The following DNAH17 variants were observed in gnomAD, a reference collection of about 807,000 sequenced individuals.
DNAH17 encodes the protein dynein axonemal heavy chain 17.
Under a neutral mutation model 485.6 loss-of-function variants are expected in DNAH17, and 376 were observed. The ratio of observed to expected loss-of-function variants is 0.77; its 90% CI spans 0.71 to 0.84. The LOEUF is 0.84. Among genes scored for constraint, DNAH17 ranks in the 40% least tolerant of loss-of-function variants. The pLI is 0.00. For synonymous variants in DNAH17, 3,031 were observed against 2,405.9 expected, an observed-to-expected ratio of 1.26 and a Z score of -7.60; for missense variants, 6,370 against 5,839.3, an observed-to-expected ratio of 1.09 and a Z score of -2.96.
In DNAH17 at chr17:78,552,775, G is replaced by T. The variant is rs1302956547; in HGVS notation, c.2209C>A (p.Leu737Ile). The T allele has an allele frequency of 6.2e-7, 1 of 1,613,302 alleles. No individual in the cohort carries two copies. The highest frequency in any genetic ancestry group is 8.5e-7 in the Non-Finnish European group (1 of 1,179,260). ...GCTTCCAGTTCTGACTTTATTAGTA[G>T]AAATTCTACTGCCTTCACTATAGTC... ...IKTIVKAVEF[L>I]LIKSELEAID... is the part of the protein sequence containing the mutation. Residue 737 changes from leucine to isoleucine, a missense_variant, in exon 15 of 81, where the codon CTA becomes ATA. Transcript: ENST00000389840.
intron 37 of DNAH17, among the ~76,000 whole-genome samples, chr17:78,498,500 G>C (rs562402057): frequency 6.6e-6 from 1 of 152,322 alleles, no homozygotes; most frequent in East Asian, 1.9e-4. Context: ...AAGCATCAGT[G>C]GGGGTGGGGC....
chr17:78,424,182 G>C lies in DNAH17; in HGVS notation c.13142-29C>G, dbSNP rs770512056. 2.8e-5 allele frequency: 45 copies of C among 1,586,778 alleles called. No individual in the cohort carries two copies. The East Asian group carries it at 3.4e-4, about 12-fold the overall frequency. ...CAGGGACAGTATGGCTGAGGGTCAGGTGTGCTGCCAGTAAGTGAGGGAGGG... is the reference window on the plus strand; with the variant it reads ...CAGGGACAGTATGGCTGAGGGTCAGCTGTGCTGCCAGTAAGTGAGGGAGGG... On this transcript the variant is annotated intron_variant, in intron 80 of 80. Coordinates refer to ENST00000389840, the MANE Select transcript of DNAH17 (RefSeq NM_173628.4).
At chr17:78,532,094 T>A (rs117838634) in intron 20 of DNAH17, among the ~76,000 whole-genome samples, 7,143 of 152,286 alleles carry the variant, frequency 0.047, 237 homozygotes, top group Middle Eastern at 0.085. Flanking sequence ...CTCATCTCCC[T>A]GAGGTCAGGT....
Position 78,494,171 on chromosome 17 carries a change from G to A in DNAH17, c.6273C>T (p.Ile2091=), listed in dbSNP as rs1348007801. 10 of 1,609,874 alleles carry A rather than the reference G, an allele frequency of 6.2e-6. No individual in the cohort carries two copies. The highest frequency in any genetic ancestry group is 4.5e-5 in the East Asian group (2 of 44,746). The change falls in exon 41 of 81, where the codon ATC becomes ATT. Residue 2091 remains isoleucine (I), a splice_region_variant and synonymous_variant. Coordinates refer to ENST00000389840, the MANE Select transcript of DNAH17 (RefSeq NM_173628.4). The part of the protein sequence containing the change: ...PRKRDLNFEK[I]IKQSIVELKL... ...TGAGCTCCACGATGCTCTGCTTGATGATCTGGGGAGACATGGATGAGGCTG... is the reference window on the plus strand; with the variant it reads ...TGAGCTCCACGATGCTCTGCTTGATAATCTGGGGAGACATGGATGAGGCTG...
At position 78,570,587 on chromosome 17, in the gene DNAH17, T is replaced by TG. The variant is rs536742635; in HGVS notation, c.919-216dup. 5.9e-3 allele frequency among the ~76,000 whole-genome samples: 902 copies of TG among 151,654 alleles called. 7 individuals are homozygous for TG. The highest frequency in any genetic ancestry group is 7.8e-3 in the Non-Finnish European group (527 of 67,856). ...GAAGAAACAAGACCCAGGCCGGGCG[T>TG]GGTGGCTCACGCCTGTAATCCCAGC... On this transcript the variant is annotated intron_variant, in intron 6 of 80. Transcript: ENST00000389840.
At chr17:78,526,804 C>T in intron 23 of DNAH17, 67 bp from the exon 24 acceptor site, 4 of 1,560,366 alleles carry the variant, frequency 2.6e-6, no homozygotes, top group Middle Eastern at 1.9e-4. Context: ...GTGGCCCCAC[C>T]CTGTATGCCG....
In DNAH17 at chr17:78,551,522, G is replaced by A. The variant is rs376785076; in HGVS notation, c.2391+13C>T. ...CCCACAAAGCCCCACTCTGTGCTCT[G>A]CCCCTTGCTTACCTTCATAGCCTGG... On this transcript the variant is annotated intron_variant, in intron 16 of 80. Transcript: ENST00000389840. 31 of 1,611,576 alleles carry A rather than the reference G, an allele frequency of 1.9e-5. No homozygotes were observed. The highest frequency in any genetic ancestry group is 2.7e-5 in the African/African-American group (2 of 75,010).
chr17:78,510,754 C>CCCG (rs5822245), intron 26 of DNAH17: 7 of 404,994 alleles, frequency 1.7e-5, no homozygotes, highest in Non-Finnish European at 3.2e-5. Context: ...AATTGCGGCC[C>CCCG]CCCCGCAAAA....
rs369484272 is a variant in DNAH17, at chr17:78,434,797, G to T, written c.12034-577C>A. On this transcript the variant is annotated intron_variant, in intron 74 of 80. Transcript: ENST00000389840. ...GCTTTTACTCATTAACCTTTGCTAC[G>T]TAGTGACTCCTGAACACACAGAGGC... Among the ~76,000 whole-genome samples, 6 of 152,298 alleles carry T rather than the reference G, an allele frequency of 3.9e-5. No individual in the cohort carries two copies. The East Asian group carries it at 9.7e-4, about 25-fold the overall frequency.
intron 14 of DNAH17, among the ~76,000 whole-genome samples, chr17:78,556,794 C>T (rs28396230): frequency 1.7e-3 from 264 of 152,270 alleles, no homozygotes; most frequent in African/African-American, 5.7e-3. Flanking sequence ...AGTGCTATAT[C>T]CATGCGACAC....
At position 78,543,977 on chromosome 17, in the gene DNAH17, C is replaced by G. The variant is rs959902097; in HGVS notation, c.2412G>C (p.Leu804=). 1 of 1,614,046 alleles carries G rather than the reference C, an allele frequency of 6.2e-7. No individual in the cohort carries two copies. The highest frequency in any genetic ancestry group is 8.5e-7 in the Non-Finnish European group (1 of 1,179,896). Residue 804 remains leucine, a synonymous_variant, in exon 17 of 81, where the codon CTG becomes CTC. Transcript: ENST00000389840. ...CTTTCTTATTGTCCTTTCTTTCAAA[C>G]AGCGGGTTGGCCGACCAGTCCTGGA... ...QAMKDWSANP[L]FERKDNKKEA...
chr17:78,426,839 G>C (rs1458843596), intron 78 of DNAH17, 87 bp downstream of exon 78: 1 of 1,486,424 alleles, frequency 6.7e-7, no homozygotes, highest in African/African-American at 1.4e-5. Flanking sequence ...TCCGGGGCCT[G>C]TGCTAGGCCT....
In DNAH17 at chr17:78,569,357, C is replaced by G. The variant is rs760413048; in HGVS notation, c.1197+18G>C. ...TCACTCGTCCTGCCTTGGCCCTCGC[C>G]CTGCGAGGAAGGGGTACCTTAAAGA... On this transcript the variant is annotated intron_variant, in intron 8 of 80. Coordinates refer to ENST00000389840, the MANE Select transcript of DNAH17 (RefSeq NM_173628.4). 16 of 1,612,160 alleles carry G rather than the reference C, an allele frequency of 9.9e-6. No individual in the cohort carries two copies. In the South Asian group the frequency reaches 1.5e-4, roughly 16 times the overall value.
chr17:78,564,980 C>G (rs1008762240), intron 11 of DNAH17, among the ~76,000 whole-genome samples: 1 of 152,144 alleles, frequency 6.6e-6, no homozygotes, highest in Non-Finnish European at 1.5e-5. Flanking sequence ...CAAAGATTCT[C>G]ATCAGGGTCT....
At chr17:78,568,624 C>T (rs549955421) in intron 9 of DNAH17, among the ~76,000 whole-genome samples, 4 of 152,128 alleles carry the variant, frequency 2.6e-5, no homozygotes, top group Non-Finnish European at 4.4e-5. Context: ...CTCACTTTGT[C>T]GCTCAGGCTG....
chr17:78,528,941 G>C (rs988924676), intron 22 of DNAH17, among the ~76,000 whole-genome samples: 1 of 134,408 alleles, frequency 7.4e-6, no homozygotes, highest in South Asian at 2.4e-4. Flanking sequence ...GGACATAAAG[G>C]CATTTTGTAT....
chr17:78,495,599 A>G (rs1436905314), intron 38 of DNAH17, among the ~76,000 whole-genome samples: 1 of 151,570 alleles, frequency 6.6e-6, no homozygotes, highest in African/African-American at 2.4e-5. Flanking sequence ...CACCACACCG[A>G]GCTAATTTTT....
intron 42 of DNAH17, among the ~76,000 whole-genome samples, chr17:78,492,113 C>G (rs1391218773): frequency 2.0e-5 from 3 of 151,510 alleles, no homozygotes; most frequent in Non-Finnish European, 2.9e-5. Flanking sequence ...CTAGGCACAG[C>G]CCTCCCCTAG....
chr17:78,480,838 C>A, intron 48 of DNAH17, 52 bp from the exon 49 acceptor site: 1 of 1,310,500 alleles, frequency 7.6e-7, no homozygotes, highest in Non-Finnish European at 1.1e-6. Context: ...GAGGAACCAT[C>A]CCCTGCCCCC....
Sources: gnomAD v4.1 joint callset for allele counts (sites outside exome capture counted in the v4.1 genomes callset) on GRCh38, gnomAD v4.1.1 for gene constraint, MANE v1.5 for transcripts, NCBI Gene and HGNC (gene_info 2026-07-23, HGNC 2026-07-21) for gene names.